The following ADGRE1 variants were observed in gnomAD, a reference collection of about 807,000 sequenced individuals.
ADGRE1 encodes EGF-like module receptor 1.
Under a neutral mutation model 102.7 loss-of-function variants are expected in ADGRE1, and 82 were observed. The ratio of observed to expected loss-of-function variants is 0.80; its 90% CI spans 0.67 to 0.96. The LOEUF (loss-of-function observed/expected upper bound fraction) is 0.96, where lower values mean the gene tolerates loss of function less well. Among genes scored for constraint, ADGRE1 ranks in the 40% least tolerant of loss-of-function variants. The pLI is 0.00. For missense variants in ADGRE1, 1,032 were observed against 1,085.3 expected (o/e 0.95, Z 0.69); for synonymous variants, 398 against 399.6 (o/e 1.00, Z 0.05).
intron 14 of ADGRE1, among the ~76,000 whole-genome samples, chr19:6,923,978 T>G (rs943282364): frequency 9.9e-5 from 15 of 151,548 alleles, no homozygotes; most frequent in Non-Finnish European, 2.1e-4. Flanking sequence ...ATAAATGGCA[T>G]AGAAGAAGGA....
chr19:6,902,040 T>C lies in ADGRE1; in HGVS notation c.661+19T>C, dbSNP rs750736236. 4 of 1,613,936 alleles carry C rather than the reference T, an allele frequency of 2.5e-6. No individual in the cohort carries two copies. In the Admixed American group the frequency reaches 6.7e-5, roughly 27 times the overall value. On this transcript the variant is annotated intron_variant, in intron 6 of 20. Transcript: ENST00000312053. ...TGTGAAGGTAGGTGGGGGTGTCTTC[T>C]GAGAAGTCAGGTCCAAGTCTGTTTG...
At chr19:6,913,556 G>T in intron 10 of ADGRE1, 97 bp from the exon 11 acceptor site, 1 of 1,200,026 alleles carries the variant, frequency 8.3e-7, no homozygotes. Context: ...TTCTCCTTTG[G>T]ATGGACTCCC....
chr19:6,899,274 G>A (rs191959033), intron 5 of ADGRE1, among the ~76,000 whole-genome samples: 2 of 152,220 alleles, frequency 1.3e-5, no homozygotes, highest in Admixed American at 1.3e-4. Flanking sequence ...GCTGTGTATG[G>A]CATCTGATGG....
At chr19:6,932,740 G>A (rs772253935) in intron 17 of ADGRE1, among the ~76,000 whole-genome samples, 9 of 152,130 alleles carry the variant, frequency 5.9e-5, no homozygotes, top group African/African-American at 2.2e-4. Flanking sequence ...TTTCCTGCCT[G>A]CTCGGCCCTC....
rs776648057 is a variant in ADGRE1, at chr19:6,902,172, T to C, written c.661+151T>C. On this transcript the variant is annotated intron_variant, in intron 6 of 20. Coordinates refer to ENST00000312053, the MANE Select transcript of ADGRE1 (RefSeq NM_001974.5). ...CATTCACTCATTAAAGAAATACCTCTTGAGCACTTACAGTATACGTGGCAC... is the reference window on the plus strand; with the variant it reads ...CATTCACTCATTAAAGAAATACCTCCTGAGCACTTACAGTATACGTGGCAC... The C allele has an allele frequency of 9.7e-5, 104 of 1,068,248 alleles. No homozygotes were observed. In the East Asian group the frequency reaches 2.4e-3, roughly 25 times the overall value. The allele number at this position is 1,068,248 out of a possible 1,614,324, so 66.2% of individuals were successfully genotyped here.
At chr19:6,924,125 T>C (rs1974784109) in intron 14 of ADGRE1, among the ~76,000 whole-genome samples, 1 of 151,312 alleles carries the variant, frequency 6.6e-6, no homozygotes, top group Admixed American at 6.6e-5. Flanking sequence ...AATTGGGTGC[T>C]CACAAAAATC....
At chr19:6,905,204 C>T (rs1973909646) in intron 8 of ADGRE1, among the ~76,000 whole-genome samples, 1 of 151,954 alleles carries the variant, frequency 6.6e-6, no homozygotes, top group South Asian at 2.1e-4. Flanking sequence ...AAAAATTAGC[C>T]AGGTGTAGTA....
At chr19:6,911,710 CAT>C (rs1239315696) in intron 10 of ADGRE1, among the ~76,000 whole-genome samples, 3 of 151,290 alleles carry the variant, frequency 2.0e-5, no homozygotes, top group Non-Finnish European at 2.9e-5. Context: ...TGTACACACA[CAT>C]ATACACCTCC....
chr19:6,909,717 T>G (rs1974100360), intron 10 of ADGRE1, among the ~76,000 whole-genome samples: 1 of 151,986 alleles, frequency 6.6e-6, no homozygotes. Context: ...TGGTTTTTTT[T>G]GTTTGTTTGT....
chr19:6,901,485 AT>A (rs1177425385), intron 5 of ADGRE1, among the ~76,000 whole-genome samples: 2 of 152,206 alleles, frequency 1.3e-5, no homozygotes, highest in African/African-American at 2.4e-5. Flanking sequence ...GGCCAGCTGT[AT>A]TTAAGGGGTA....
At chr19:6,937,033 C>A (rs1975441496) in intron 18 of ADGRE1, among the ~76,000 whole-genome samples, 1 of 152,210 alleles carries the variant, frequency 6.6e-6, no homozygotes, top group African/African-American at 2.4e-5. Flanking sequence ...GCTGGGATTA[C>A]AGGCTTGAGC....
Position 6,940,078 on chromosome 19 carries a change from T to A in ADGRE1, c.*49T>A, listed in dbSNP as rs780653779. The A allele has an allele frequency of 1.9e-6, 3 of 1,606,342 alleles. No individual in the cohort carries two copies. The South Asian group carries it at 3.3e-5, about 18-fold the overall frequency. On this transcript the variant is annotated 3_prime_UTR_variant, in exon 21 of 21. Transcript: ENST00000312053. ...GCTATGGAGCCACAGTTGAGGACAG[T>A]AGTTTCCTGCAGGAGCCTACCCTGA...
At chr19:6,915,888 A>G (rs1323305613) in intron 11 of ADGRE1, among the ~76,000 whole-genome samples, 1 of 131,738 alleles carries the variant, frequency 7.6e-6, no homozygotes, top group Non-Finnish European at 1.6e-5. Context: ...GCCACTGCAC[A>G]CCAGCCTAAG....
chr19:6,921,664 T>C, intron 13 of ADGRE1, 49 bp from the exon 14 acceptor site: 1 of 1,506,418 alleles, frequency 6.6e-7, no homozygotes, highest in Non-Finnish European at 8.9e-7. Context: ...ATCCATTTGA[T>C]GGGGATTCCC....
chr19:6,933,676 C>T (rs1007188395), intron 17 of ADGRE1, among the ~76,000 whole-genome samples: 1 of 152,098 alleles, frequency 6.6e-6, no homozygotes, highest in Non-Finnish European at 1.5e-5. Flanking sequence ...CATGAGCCAC[C>T]GCTCCCGACC....
chr19:6,938,047 T>C (rs1490028950), intron 20 of ADGRE1, among the ~76,000 whole-genome samples: 1 of 151,662 alleles, frequency 6.6e-6, no homozygotes, highest in Non-Finnish European at 1.5e-5. Context: ...AGTTTAAATA[T>C]AGATACCGGC....
chr19:6,909,778 A>G (rs1005822150), intron 10 of ADGRE1, among the ~76,000 whole-genome samples: 9 of 152,244 alleles, frequency 5.9e-5, no homozygotes, highest in African/African-American at 2.2e-4. Flanking sequence ...TCTGTTGCCC[A>G]GGCTAGAGTG....
chr19:6,889,324 G>A (rs151029207), intron 1 of ADGRE1, among the ~76,000 whole-genome samples: 1 of 152,150 alleles, frequency 6.6e-6, no homozygotes, highest in East Asian at 1.9e-4. Context: ...TGGTGATGAT[G>A]ATAGTGATAA....
chr19:6,932,218 C>G (rs1248748705), intron 17 of ADGRE1, among the ~76,000 whole-genome samples: 1 of 152,260 alleles, frequency 6.6e-6, no homozygotes, highest in Non-Finnish European at 1.5e-5. Flanking sequence ...CCTGTAATCC[C>G]AGCACTTTGG....
Sources: gnomAD v4.1 joint callset for allele counts (sites outside exome capture counted in the v4.1 genomes callset) on GRCh38, gnomAD v4.1.1 for gene constraint, MANE v1.5 for transcripts, NCBI Gene and HGNC (gene_info 2026-07-23, HGNC 2026-07-21) for gene names.